Variants in APOBEC3C observed in about 807,000 individuals in gnomAD.
APOBEC3C encodes DNA dC->dU-editing enzyme APOBEC-3C.
Under a neutral mutation model 20.6 loss-of-function variants are expected in APOBEC3C, and 14 were observed. That is an observed-to-expected ratio of 0.68 (90% CI 0.45 to 1.06). The LOEUF is 1.06. Among genes scored for constraint, APOBEC3C ranks in the 50% least tolerant of loss-of-function variants. The pLI, the probability that APOBEC3C is intolerant of heterozygous loss-of-function variation, is 0.00. For synonymous variants in APOBEC3C, 98 were observed against 88.8 expected (o/e 1.10, Z -0.58); for missense variants, 244 against 241.9 (o/e 1.01, Z -0.06).
Position 39,018,274 on chromosome 22 carries a change from A to T in APOBEC3C, c.460A>T (p.Lys154Ter). Residue 154 changes from lysine (K) to a stop codon, truncating the protein, a stop_gained, in exon 4 of 4, where the codon AAA becomes TAA. Coordinates refer to ENST00000361441, the MANE Select transcript of APOBEC3C (RefSeq NM_014508.3). LOFTEE classifies it low-confidence loss of function (END_TRUNC). Reference protein sequence around the residue: ...AVEIMDYEDFKYCWENFVYND... With the variant: ...AVEIMDYEDF ...TTCTCCTTGTTTTTTCTCAGATTTT[A>T]AATATTGTTGGGAAAACTTTGTGTA... The T allele has an allele frequency of 1.2e-6, 2 of 1,613,376 alleles. No homozygotes were observed. Among genetic ancestry groups the T allele is most frequent in the Non-Finnish European group, 8.5e-7 (1 of 1,179,586 alleles).
intron 3 of APOBEC3C, 78 bp downstream of exon 3, chr22:39,018,123 C>G (rs1187534364): frequency 4.4e-6 from 7 of 1,583,200 alleles, no homozygotes; most frequent in Admixed American, 1.7e-5. Flanking sequence ...TGCTGTGGGG[C>G]GGGTCAGTGT....
chr22:39,016,022 C>A (rs1044425199), intron 2 of APOBEC3C, among the ~76,000 whole-genome samples: 2 of 151,658 alleles, frequency 1.3e-5, no homozygotes, highest in African/African-American at 4.8e-5. Context: ...ATTACAGGCA[C>A]CTGCCACCAT....
Position 39,014,470 on chromosome 22 carries a change from A to T in APOBEC3C, c.17+91A>T, listed in dbSNP as rs57734707. 3.1e-4 allele frequency: 386 copies of T among 1,248,462 alleles called. 1 individual carries two copies. The highest frequency in any genetic ancestry group is 1.2e-3 in the African/African-American group (47 of 39,648). 77.3% of individuals were successfully genotyped at this position (1,248,462 alleles called of 1,614,324 possible). ...CTCAGCCCTGGCCTCCCCCTGCCCCAGCCCCACCTCTGGGCTCCCTCCCCC... is the reference window on the plus strand; with the variant it reads ...CTCAGCCCTGGCCTCCCCCTGCCCCTGCCCCACCTCTGGGCTCCCTCCCCC... On this transcript the variant is annotated intron_variant, in intron 1 of 3. Coordinates refer to ENST00000361441, the MANE Select transcript of APOBEC3C (RefSeq NM_014508.3).
chr22:39,016,208 T>TATTTATTTATTTATTTATTTATTTAGTG, intron 2 of APOBEC3C, among the ~76,000 whole-genome samples: 1 of 148,364 alleles, frequency 6.7e-6, no homozygotes, highest in Non-Finnish European at 1.5e-5. Flanking sequence ...TTTATTTATT[T>TATTTATTTATTTATTTATTTATTTAGTG]ATTTATTTTG....
In APOBEC3C at chr22:39,016,122, C is replaced by T. The variant is rs758574617; in HGVS notation, c.174+371C>T. ...CGAACTCCTGACCTCAAGTGATCCA[C>T]CAGCCTTGGCCTCCCAAAGTGCTAG... is the stretch of plus-strand genomic sequence containing the variant. On this transcript the variant is annotated intron_variant, in intron 2 of 3. Coordinates refer to ENST00000361441, the MANE Select transcript of APOBEC3C (RefSeq NM_014508.3). Among the ~76,000 whole-genome samples the T allele has an allele frequency of 2.6e-5, 4 of 151,940 alleles. No individual in the cohort carries two copies. In the South Asian group the frequency reaches 6.2e-4, roughly 24 times the overall value.
At position 39,014,262 on chromosome 22, in the gene APOBEC3C, A is replaced by T. The variant is rs1316676722; in HGVS notation, c.-101A>T. 2.0e-6 allele frequency: 3 copies of T among 1,499,390 alleles called. No homozygotes were observed. Among genetic ancestry groups the T allele is most frequent in the African/African-American group, 1.4e-5 (1 of 72,256 alleles). The allele number at this position is 1,499,390 out of a possible 1,614,324, so 92.9% of individuals were successfully genotyped here. ...TCACAAGGCCCTGGGAGGTCACTTT[A>T]AAGAGGGCTGCTCAACTGCAAGGAC... On this transcript the variant is annotated 5_prime_UTR_variant, in exon 1 of 4. Transcript: ENST00000361441.
chr22:39,015,665 CG>C lies in APOBEC3C; in HGVS notation c.90del (p.Asn31ThrfsTer12). 1.2e-6 allele frequency: 2 copies of C among 1,614,130 alleles called. No individual in the cohort carries two copies. The highest frequency in any genetic ancestry group is 1.7e-6 in the Non-Finnish European group (2 of 1,180,026). ...QFKNLWEAND[R>X]NETWLCFTVE... Reference sequence around the variant, plus strand: ...TAAAAACCTATGGGAAGCCAACGATCGGAACGAAACTTGGCTGTGCTTCACC... The same window carrying C: ...TAAAAACCTATGGGAAGCCAACGATCGAACGAAACTTGGCTGTGCTTCACC... On this transcript the variant is annotated frameshift_variant, in exon 2 of 4. Transcript: ENST00000361441. LOFTEE classifies it high-confidence loss of function.
rs1171284462 is a variant in APOBEC3C, at chr22:39,019,276, A to G, written c.*889A>G. ...TGCGATAAATGGCTGTAAGTCTTGG[A>G]CTCCTTGCTCCAAACGCAGCGACTC... On this transcript the variant is annotated 3_prime_UTR_variant, in exon 4 of 4. Coordinates refer to ENST00000361441, the MANE Select transcript of APOBEC3C (RefSeq NM_014508.3). 6.6e-6 allele frequency: 1 copy of G among 151,948 alleles called. No individual in the cohort carries two copies. The highest frequency in any genetic ancestry group is 6.6e-5 in the Admixed American group (1 of 15,254). 9.4% of individuals were successfully genotyped at this position (151,948 alleles called of 1,614,324 possible). A position where few individuals can be genotyped will look rare whatever the true frequency, so the allele number is the denominator to read the frequency against.
At chr22:39,016,251 G>A (rs1229889630) in intron 2 of APOBEC3C, among the ~76,000 whole-genome samples, 5 of 140,336 alleles carry the variant, frequency 3.6e-5, no homozygotes, top group Admixed American at 7.3e-5. Context: ...CCAGGCTGGA[G>A]TGCAGTGGCA....
In APOBEC3C at chr22:39,019,550, AT is replaced by A. The variant is rs1924942499; in HGVS notation, c.*1165del. The A allele has an allele frequency of 6.6e-6, 1 of 152,318 alleles. No homozygotes were observed. The highest frequency in any genetic ancestry group is 2.1e-4 in the South Asian group (1 of 4,822). 9.4% of individuals were successfully genotyped at this position (152,318 alleles called of 1,614,324 possible). On this transcript the variant is annotated 3_prime_UTR_variant, in exon 4 of 4. Coordinates refer to ENST00000361441, the MANE Select transcript of APOBEC3C (RefSeq NM_014508.3). The stretch of plus-strand genomic sequence containing the variant: ...GCAGATGTAAGTTTTAGAGAATGAG[AT>A]TCTCCATAAAAATGACCCTTTCATG...
chr22:39,014,276 A>G lies in APOBEC3C; in HGVS notation c.-87A>G, dbSNP rs1788759020. 2 of 1,566,114 alleles carry G rather than the reference A, an allele frequency of 1.3e-6. No individual in the cohort carries two copies. Among genetic ancestry groups the G allele is most frequent in the Non-Finnish European group, 1.8e-6 (2 of 1,136,994 alleles). ...GAGGTCACTTTAAAGAGGGCTGCTC[A>G]ACTGCAAGGACGCTGTAAGCAGGAA... On this transcript the variant is annotated 5_prime_UTR_variant, in exon 1 of 4. Transcript: ENST00000361441.
At chr22:39,017,417 C>T (rs746818013) in intron 2 of APOBEC3C, among the ~76,000 whole-genome samples, 1 of 151,988 alleles carries the variant, frequency 6.6e-6, no homozygotes, top group Non-Finnish European at 1.5e-5. Context: ...GCAGGAGGAT[C>T]GCTTGAGCCC....
chr22:39,020,095 T>G lies in APOBEC3C; in HGVS notation c.*1708T>G, dbSNP rs1360788038. Reference sequence around the variant, plus strand: ...ACAGGCATCAGCCACTATGCCCGGCTGGGATCATATGTTCCACACATGTTT... The same window carrying G: ...ACAGGCATCAGCCACTATGCCCGGCGGGGATCATATGTTCCACACATGTTT... On this transcript the variant is annotated 3_prime_UTR_variant, in exon 4 of 4. Transcript: ENST00000361441. 6.6e-6 allele frequency: 1 copy of G among 152,156 alleles called. No homozygotes were observed. The highest frequency in any genetic ancestry group is 1.5e-5 in the Non-Finnish European group (1 of 68,048). 9.4% of individuals were successfully genotyped at this position (152,156 alleles called of 1,614,324 possible).
At chr22:39,014,465 GCCCCA>G in intron 1 of APOBEC3C, 86 bp downstream of exon 1, 1 of 1,546,094 alleles carries the variant, frequency 6.5e-7, no homozygotes, top group Non-Finnish European at 8.8e-7. Flanking sequence ...GCCTCCCCCT[GCCCCA>G]GCCCCACCTC....
In APOBEC3C at chr22:39,019,798, C is replaced by CTTTTTTTTTTTTTTTTTTTTTT; in HGVS notation, c.*1414_*1435dup. On this transcript the variant is annotated 3_prime_UTR_variant, in exon 4 of 4. Transcript: ENST00000361441. Reference sequence around the variant, plus strand: ...GGATCTCTCTGCCTCCAAATATCATCTTTTTTTTTTTTTTTTTTTTTTTTG... The same window carrying CTTTTTTTTTTTTTTTTTTTTTT: ...GGATCTCTCTGCCTCCAAATATCATCTTTTTTTTTTTTTTTTTTTTTTTTTTTTTTTTTTTTTTTTTTTTTTG... 1.2e-5 allele frequency: 1 copy of CTTTTTTTTTTTTTTTTTTTTTT among 81,268 alleles called. No homozygotes were observed. Among genetic ancestry groups the CTTTTTTTTTTTTTTTTTTTTTT allele is most frequent in the Non-Finnish European group, 2.2e-5 (1 of 46,362 alleles). 5.0% of individuals were successfully genotyped at this position (81,268 alleles called of 1,614,324 possible).
At chr22:39,015,445 C>G (rs1482167841) in intron 1 of APOBEC3C, 150 bp from the exon 2 acceptor site, 1 of 928,088 alleles carries the variant, frequency 1.1e-6, no homozygotes, top group African/African-American at 1.7e-5. Flanking sequence ...GTCTTCCTGC[C>G]TGGGAAAGCA....
intron 2 of APOBEC3C, among the ~76,000 whole-genome samples, chr22:39,016,216 T>TA (rs1569049369): frequency 1.3e-5 from 2 of 150,246 alleles, no homozygotes; most frequent in African/African-American, 4.9e-5. Context: ...TTTATTTATT[T>TA]TGAGACGGAG....
chr22:39,017,907 G>A lies in APOBEC3C; in HGVS notation c.316G>A (p.Glu106Lys), dbSNP rs559937396. The change falls in exon 3 of 4, where the codon GAG becomes AAG. Residue 106 changes from glutamate (E) to lysine (K), a missense_variant. Coordinates refer to ENST00000361441, the MANE Select transcript of APOBEC3C (RefSeq NM_014508.3). ...PCPDCAGEVAEFLARHSNVNL... is the reference protein window; with the variant it reads ...PCPDCAGEVAKFLARHSNVNL... ...CCCAGACTGTGCAGGGGAGGTGGCC[G>A]AGTTCCTGGCCAGGCACAGCAACGT... is the stretch of plus-strand genomic sequence containing the variant. 48 of 1,614,126 alleles carry A rather than the reference G, an allele frequency of 3.0e-5. No homozygotes were observed. In the East Asian group the frequency reaches 6.9e-4, roughly 23 times the overall value.
In APOBEC3C at chr22:39,014,321, G is replaced by T; in HGVS notation, c.-42G>T. 6.2e-7 allele frequency: 1 copy of T among 1,614,028 alleles called. No individual in the cohort carries two copies. The highest frequency in any genetic ancestry group is 2.2e-5 in the East Asian group (1 of 44,866). ...CAGGAAGAGAAGCCACAGCGCTTCAGAAAAGAGTGGGACAGGGACAAGCAT... is the reference window on the plus strand; with the variant it reads ...CAGGAAGAGAAGCCACAGCGCTTCATAAAAGAGTGGGACAGGGACAAGCAT... On this transcript the variant is annotated 5_prime_UTR_variant, in exon 1 of 4. Coordinates refer to ENST00000361441, the MANE Select transcript of APOBEC3C (RefSeq NM_014508.3).
Sources: gnomAD v4.1 joint callset for allele counts (sites outside exome capture counted in the v4.1 genomes callset) on GRCh38, gnomAD v4.1.1 for gene constraint, MANE v1.5 for transcripts, NCBI Gene and HGNC (gene_info 2026-07-23, HGNC 2026-07-21) for gene names.